PTPRC: variants seen among roughly 807,000 people sequenced by gnomAD.
PTPRC encodes the protein receptor-type tyrosine-protein phosphatase C.
A neutral mutation model predicts 155.9 loss-of-function variants in PTPRC; 44 were observed. That is an observed-to-expected ratio of 0.28 (90% confidence interval 0.22 to 0.36). The LOEUF (loss-of-function observed/expected upper bound fraction) is 0.36, where lower values mean the gene tolerates loss of function less well. Among genes scored for constraint, PTPRC ranks in the 10% least tolerant of loss-of-function variants. PTPRC has a pLI of 1.00. For synonymous variants in PTPRC, 525 were observed against 533.1 expected, an observed-to-expected ratio of 0.98 and a Z score of 0.21; for missense variants, 1,401 against 1,564.6, an observed-to-expected ratio of 0.90 and a Z score of 1.76.
intron 31 of PTPRC, 124 bp from the exon 32 acceptor site, chr1:198,754,145 T>C: frequency 8.3e-7 from 1 of 1,200,940 alleles, no homozygotes; most frequent in Non-Finnish European, 1.2e-6. Context: ...TGAAAGAGGT[T>C]GGAATAAGAT....
intron 2 of PTPRC, among the ~76,000 whole-genome samples, chr1:198,677,835 C>T (rs944061435): frequency 6.6e-5 from 10 of 152,062 alleles, no homozygotes; most frequent in East Asian, 1.9e-4. Flanking sequence ...GACTAAACCT[C>T]GGAAATATCA....
rs1395555272 is a variant in PTPRC at position 198,704,473 on chromosome 1, T to C, written c.660T>C (p.Ala220=). Residue 220 remains alanine (A), a splice_region_variant and synonymous_variant, in exon 8 of 33, where the codon GCT becomes GCC. Coordinates refer to ENST00000442510, the MANE Select transcript of PTPRC (RefSeq NM_002838.5). ...GSAVISTTTI[A]TTPSKPTCDE... is the part of the protein sequence containing the mutation. ...TTACATTTTTTTTCTCCATTACAGC[T>C]ACTACTCCATCTAAGCCAACATGTG... 2.5e-6 allele frequency: 4 copies of C among 1,613,920 alleles called. No individual in the cohort carries two copies. The South Asian group carries it at 4.4e-5, about 18-fold the overall frequency.
In PTPRC at chr1:198,749,516, A is replaced by G. The variant is rs750200877; in HGVS notation, c.3039A>G (p.Glu1013=). The change falls in exon 28 of 33, where the codon GAA becomes GAG. Residue 1013 remains glutamate, a synonymous_variant. Transcript: ENST00000442510. ...ESSDDDSDSE[E]PSKYINASFI... is the part of the protein sequence containing the mutation. ...CTGATGATGACAGTGATTCAGAGGA[A>G]CCAAGCAAATACATCAATGCATCTT... 2 of 1,611,092 alleles carry G rather than the reference A, an allele frequency of 1.2e-6. No individual in the cohort carries two copies. The highest frequency in any genetic ancestry group is 3.3e-5 in the Admixed American group (2 of 59,760).
At chr1:198,663,028 T>C (rs916633861) in intron 2 of PTPRC, among the ~76,000 whole-genome samples, 1 of 152,132 alleles carries the variant, frequency 6.6e-6, no homozygotes, top group East Asian at 1.9e-4. Flanking sequence ...AAAGGGGAGA[T>C]TGAGCATCTG....
intron 2 of PTPRC, among the ~76,000 whole-genome samples, chr1:198,667,423 T>A (rs979721579): frequency 1.3e-5 from 2 of 152,212 alleles, no homozygotes; most frequent in Non-Finnish European, 2.9e-5. Context: ...AGGCCTTTTA[T>A]CTGACAAGTT....
At chr1:198,657,885 T>TA (rs1332493967) in intron 2 of PTPRC, 5 of 152,270 alleles carry the variant, frequency 3.3e-5, no homozygotes, top group Non-Finnish European at 4.4e-5. Context: ...TTATAGCCCA[T>TA]AAAAAATGCA....
chr1:198,647,060 A>G (rs752228932), intron 2 of PTPRC, among the ~76,000 whole-genome samples: 18 of 151,938 alleles, frequency 1.2e-4, no homozygotes, highest in African/African-American at 3.6e-4. Flanking sequence ...TGGTCTTCCT[A>G]CTGTTGGCCA....
chr1:198,728,106 C>A (rs1304445701), intron 15 of PTPRC, among the ~76,000 whole-genome samples: 1 of 152,068 alleles, frequency 6.6e-6, no homozygotes, highest in Non-Finnish European at 1.5e-5. Context: ...GATAATTATT[C>A]TTCTATTCTT....
intron 2 of PTPRC, among the ~76,000 whole-genome samples, chr1:198,677,245 G>A (rs1665006382): frequency 6.6e-6 from 1 of 152,042 alleles, no homozygotes; most frequent in African/African-American, 2.4e-5. Flanking sequence ...TTCCACAAAT[G>A]GGATTAATCA....
At chr1:198,729,368 A>G (rs1220934449) in intron 17 of PTPRC, among the ~76,000 whole-genome samples, 197 bp downstream of exon 17, 1 of 152,006 alleles carries the variant, frequency 6.6e-6, no homozygotes, top group Non-Finnish European at 1.5e-5. Flanking sequence ...TCAGCTTCCC[A>G]AGTATCTGGG....
At chr1:198,752,565 G>A (rs144833242) in intron 30 of PTPRC, 29 bp from the exon 31 acceptor site, 2 of 1,602,390 alleles carry the variant, frequency 1.2e-6, no homozygotes, top group East Asian at 4.5e-5. Flanking sequence ...CTTCACTCCA[G>A]TTAATGCTCT....
chr1:198,649,218 C>A (rs1212572125), intron 2 of PTPRC, among the ~76,000 whole-genome samples: 1 of 151,762 alleles, frequency 6.6e-6, no homozygotes, highest in East Asian at 1.9e-4. Flanking sequence ...ACTTTGACTT[C>A]TTAGACTTAG....
intron 2 of PTPRC, among the ~76,000 whole-genome samples, chr1:198,676,891 C>A (rs937324092): frequency 3.3e-5 from 5 of 152,102 alleles, no homozygotes; most frequent in Admixed American, 1.3e-4. Flanking sequence ...ATGTAGAAGT[C>A]AGAAATCAAG....
At position 198,657,947 on chromosome 1, in the gene PTPRC, C is replaced by T. The variant is rs778578059; in HGVS notation, c.73+18606C>T. On this transcript the variant is annotated intron_variant, in intron 2 of 32. Transcript: ENST00000442510. ...AATAGTATAATTATGATTCAATACT[C>T]GATGAATGTGTGTTAAACTAAACTG... The T allele has an allele frequency of 3.9e-5, 6 of 152,308 alleles. No individual in the cohort carries two copies. The South Asian group carries it at 1.0e-3, about 26-fold the overall frequency. The allele number at this position is 152,308 out of a possible 1,614,324, so 9.4% of individuals were successfully genotyped here. A position where few individuals can be genotyped will look rare whatever the true frequency, so the allele number is the denominator to read the frequency against.
intron 3 of PTPRC, chr1:198,694,164 G>T (rs1432122042): frequency 1.3e-6 from 2 of 1,495,408 alleles, no homozygotes; most frequent in African/African-American, 1.4e-5. Flanking sequence ...TCCAAAAGCT[G>T]AGGAACTTGG....
At chr1:198,712,768 A>G in intron 11 of PTPRC, 185 bp from the exon 12 acceptor site, 4 of 659,822 alleles carry the variant, frequency 6.1e-6, no homozygotes, top group African/African-American at 3.6e-5. Flanking sequence ...CTGGTGTGAC[A>G]TTTACTTTGT....
chr1:198,694,006 T>G (rs1571840961), intron 3 of PTPRC: 1 of 1,546,810 alleles, frequency 6.5e-7, no homozygotes, highest in Non-Finnish European at 8.7e-7. Flanking sequence ...ACGAGGTGAA[T>G]TCCCACAATA....
intron 2 of PTPRC, among the ~76,000 whole-genome samples, chr1:198,649,143 A>C (rs1332925669): frequency 1.3e-5 from 2 of 151,866 alleles, no homozygotes; most frequent in Non-Finnish European, 2.9e-5. Flanking sequence ...AAAACAAAAA[A>C]AAATTATTGT....
At position 198,702,570 on chromosome 1, in the gene PTPRC, T is replaced by C. The variant is rs760809350; in HGVS notation, c.583+40T>C. The C allele has an allele frequency of 6.2e-6, 10 of 1,611,224 alleles. No homozygotes were observed. In the Admixed American group the frequency reaches 1.7e-4, roughly 27 times the overall value. On this transcript the variant is annotated intron_variant, in intron 6 of 32. Coordinates refer to ENST00000442510, the MANE Select transcript of PTPRC (RefSeq NM_002838.5). ...CTCTAGTAGTGTCTTCAGTTATAGATAATGAAATGGAAACTCAAAACTTTA... is the reference window on the plus strand; with the variant it reads ...CTCTAGTAGTGTCTTCAGTTATAGACAATGAAATGGAAACTCAAAACTTTA...
Sources: allele counts gnomAD v4.1 joint callset (sites outside exome capture counted in the v4.1 genomes callset), GRCh38; gene constraint gnomAD v4.1.1; transcripts MANE v1.5; gene names NCBI Gene and HGNC (gene_info 2026-07-23, HGNC 2026-07-21).